CNTNAP2: variants seen among roughly 807,000 people sequenced by gnomAD.
CNTNAP2 encodes contactin associated protein 2.
In CNTNAP2, 98 loss-of-function variants were observed where a neutral mutation model predicts 155.2. The observed-to-expected ratio is 0.63, with a 90% CI of 0.54 to 0.75. CNTNAP2 has a LOEUF of 0.75. CNTNAP2 is among the 30% of genes least tolerant of loss of function. The pLI, the probability that CNTNAP2 is intolerant of heterozygous loss-of-function variation, is 0.00. For synonymous variants in CNTNAP2, 651 were observed against 631.2 expected (o/e 1.03, Z -0.47); for missense variants, 1,727 against 1,688.1 (o/e 1.02, Z -0.40).
At chr7:148,366,308 ATG>A (rs905109650) in intron 21 of CNTNAP2, among the ~76,000 whole-genome samples, 3 of 143,632 alleles carry the variant, frequency 2.1e-5, no homozygotes, top group Non-Finnish European at 4.7e-5. Context: ...ATATGTATGT[ATG>A]TATACATTAT....
rs1243722585 is a variant in CNTNAP2, at chr7:148,181,220, A to T, written c.3010+8742A>T. On this transcript the variant is annotated intron_variant, in intron 18 of 23. Transcript: ENST00000361727. ...TATCATGGGACTTCTCAGCCTCCAC[A>T]ATTACATGAGCCAATTCCCCTAAGA... Among the ~76,000 whole-genome samples, 5 of 152,240 alleles carry T rather than the reference A, an allele frequency of 3.3e-5. No homozygotes were observed. The South Asian group carries it at 1.0e-3, about 32-fold the overall frequency.
intron 3 of CNTNAP2, among the ~76,000 whole-genome samples, chr7:146,890,417 A>AT (rs1338402484): frequency 2.0e-5 from 3 of 152,146 alleles, no homozygotes; most frequent in African/African-American, 7.2e-5. Context: ...TTCAGCCTTC[A>AT]TTTCCAGCCA....
chr7:147,740,563 G>A (rs928763949), intron 13 of CNTNAP2, among the ~76,000 whole-genome samples: 10 of 152,244 alleles, frequency 6.6e-5, no homozygotes, highest in South Asian at 4.1e-4. Context: ...TAAGTTGATC[G>A]GGTTAAGGTT....
At chr7:146,206,988 G>C (rs1377820902) in intron 1 of CNTNAP2, among the ~76,000 whole-genome samples, 1 of 151,858 alleles carries the variant, frequency 6.6e-6, no homozygotes, top group Non-Finnish European at 1.5e-5. Flanking sequence ...CTAACACCAA[G>C]TATTCATTGG....
At chr7:146,631,332 G>A (rs1273370226) in intron 1 of CNTNAP2, among the ~76,000 whole-genome samples, 3 of 152,038 alleles carry the variant, frequency 2.0e-5, no homozygotes, top group Non-Finnish European at 2.9e-5. Flanking sequence ...ATTTAAAGAG[G>A]GTGAAATTAA....
intron 8 of CNTNAP2, among the ~76,000 whole-genome samples, chr7:147,139,710 A>C (rs562378225): frequency 2.4e-4 from 36 of 152,114 alleles, no homozygotes; most frequent in Non-Finnish European, 4.6e-4. Context: ...TGGGGGAGGG[A>C]TTCTGCAGAT....
At chr7:147,447,213 T>C (rs1482002273) in intron 10 of CNTNAP2, among the ~76,000 whole-genome samples, 1 of 152,182 alleles carries the variant, frequency 6.6e-6, no homozygotes, top group Admixed American at 6.5e-5. Flanking sequence ...TTTTAGAGAA[T>C]GCATGCGTAA....
intron 1 of CNTNAP2, among the ~76,000 whole-genome samples, chr7:146,550,411 T>G (rs1052890616): frequency 3.2e-4 from 37 of 115,552 alleles, no homozygotes; most frequent in Non-Finnish European, 6.6e-4. Flanking sequence ...GTTTTTTTTT[T>G]TTTTTTTTTT....
chr7:147,406,721 G>T (rs935208041), intron 10 of CNTNAP2, among the ~76,000 whole-genome samples: 3 of 152,192 alleles, frequency 2.0e-5, no homozygotes, highest in Non-Finnish European at 2.9e-5. Flanking sequence ...GAGTAAGAAA[G>T]GAATGCAGAT....
At position 146,495,371 on chromosome 7, in the gene CNTNAP2, G is replaced by C. The variant is rs552491978; in HGVS notation, c.98-278900G>C. On this transcript the variant is annotated intron_variant, in intron 1 of 23. Transcript: ENST00000361727. ...TAGAGACAATAAAAATTCATGATGT[G>C]GGGGAGAGTTAACTGGATTATGTCA... 2.0e-4 allele frequency among the ~76,000 whole-genome samples: 31 copies of C among 152,236 alleles called. No homozygotes were observed. The South Asian group carries it at 6.4e-3, about 32-fold the overall frequency.
intron 4 of CNTNAP2, among the ~76,000 whole-genome samples, chr7:147,065,922 G>A (rs1475824766): frequency 6.6e-6 from 1 of 152,028 alleles, no homozygotes; most frequent in East Asian, 1.9e-4. Context: ...AATAAAGACG[G>A]TGATTTTCTC....
At chr7:148,407,968 G>T (rs1177599750) in intron 22 of CNTNAP2, among the ~76,000 whole-genome samples, 1 of 152,194 alleles carries the variant, frequency 6.6e-6, no homozygotes, top group Non-Finnish European at 1.5e-5. Context: ...AGTCTGGCCA[G>T]GTGCAGTGGC....
chr7:147,192,307 G>A (rs1036128932), intron 8 of CNTNAP2, among the ~76,000 whole-genome samples: 1 of 144,514 alleles, frequency 6.9e-6, no homozygotes, highest in Non-Finnish European at 1.5e-5. Context: ...ATGAAGAAGT[G>A]ATCCTTCTCT....
At chr7:146,465,691 C>G (rs1034093553) in intron 1 of CNTNAP2, among the ~76,000 whole-genome samples, 7 of 152,142 alleles carry the variant, frequency 4.6e-5, no homozygotes, top group East Asian at 1.9e-4. Context: ...ACTTTGCATG[C>G]TGTCTTCAGA....
At chr7:147,401,255 G>A (rs908111311) in intron 10 of CNTNAP2, among the ~76,000 whole-genome samples, 16 of 152,062 alleles carry the variant, frequency 1.1e-4, no homozygotes, top group Admixed American at 2.6e-4. Context: ...CACAGAGAGC[G>A]GAAAAGGAAA....
chr7:146,547,275 T>TTTTATTATG (rs1231954728), intron 1 of CNTNAP2, among the ~76,000 whole-genome samples: 1 of 152,034 alleles, frequency 6.6e-6, no homozygotes, highest in Admixed American at 6.6e-5. Context: ...AAACTGTAAT[T>TTTTATTATG]TTTATTATGT....
At chr7:148,189,694 C>T (rs895162550) in intron 18 of CNTNAP2, among the ~76,000 whole-genome samples, 4 of 152,264 alleles carry the variant, frequency 2.6e-5, no homozygotes, top group East Asian at 1.9e-4. Flanking sequence ...AAATTATCTG[C>T]GGTATTCTAT....
intron 13 of CNTNAP2, among the ~76,000 whole-genome samples, chr7:147,690,693 G>A (rs1796075685): frequency 6.6e-6 from 1 of 152,054 alleles, no homozygotes; most frequent in South Asian, 2.1e-4. Flanking sequence ...CAGTTTTTAT[G>A]TATATATGCT....
intron 1 of CNTNAP2, among the ~76,000 whole-genome samples, chr7:146,357,284 C>T (rs527704904): frequency 3.3e-5 from 5 of 149,528 alleles, no homozygotes; most frequent in East Asian, 2.0e-4. Flanking sequence ...TACCCCACTA[C>T]GTCTCTTGCA....
Sources: allele counts gnomAD v4.1 joint callset (sites outside exome capture counted in the v4.1 genomes callset), GRCh38; gene constraint gnomAD v4.1.1; transcripts MANE v1.5; gene names NCBI Gene and HGNC (gene_info 2026-07-23, HGNC 2026-07-21).